Variants in ARID3A observed in about 807,000 individuals in gnomAD.
ARID3A encodes AT-rich interactive domain-containing protein 3A.
ARID3A carries 11 observed loss-of-function variants against 52.7 expected under a neutral mutation model. The ratio of observed to expected loss-of-function variants is 0.21; its 90% CI spans 0.13 to 0.35. The LOEUF (loss-of-function observed/expected upper bound fraction) is 0.35, where lower values mean the gene tolerates loss of function less well. Ranked by LOEUF, ARID3A falls within the 10% of genes least tolerant of loss-of-function variation. ARID3A has a pLI of 1.00. For synonymous variants in ARID3A, 404 were observed against 359.4 expected, an observed-to-expected ratio of 1.12 and a Z score of -1.40; for missense variants, 721 against 838.5, an observed-to-expected ratio of 0.86 and a Z score of 1.73.
At chr19:970,308 G>A (rs1015165679) in intron 8 of ARID3A, among the ~76,000 whole-genome samples, 3 of 151,490 alleles carry the variant, frequency 2.0e-5, no homozygotes, top group African/African-American at 4.8e-5. Context: ...GCAAGACTTC[G>A]TCTCAGAGGA....
chr19:966,879 C>G lies in ARID3A; in HGVS notation c.1495+11C>G, dbSNP rs377023684. 8 of 1,593,890 alleles carry G rather than the reference C, an allele frequency of 5.0e-6. No individual in the cohort carries two copies. The highest frequency in any genetic ancestry group is 1.1e-5 in the South Asian group (1 of 89,202). On this transcript the variant is annotated intron_variant, in intron 7 of 8. Coordinates refer to ENST00000263620, the MANE Select transcript of ARID3A (RefSeq NM_005224.3). Reference sequence around the variant, plus strand: ...GGATCAACAGCCAAGGTACTGCCCTCGTGCCCAGACCCGCTGTGCTTCCTG... The same window carrying G: ...GGATCAACAGCCAAGGTACTGCCCTGGTGCCCAGACCCGCTGTGCTTCCTG...
At position 944,224 on chromosome 19, in the gene ARID3A, A is replaced by G. The variant is rs1452025500; in HGVS notation, c.693+11482A>G. Among the ~76,000 whole-genome samples, 1 of 151,856 alleles carries G rather than the reference A, an allele frequency of 6.6e-6. No homozygotes were observed. The highest frequency in any genetic ancestry group is 1.5e-5 in the Non-Finnish European group (1 of 68,020). ...CAGAAGCTCCTGCCGCCGGCACTGG[A>G]GTCCTGACGTCGGCAGCGCGGTGGA... On this transcript the variant is annotated intron_variant, in intron 3 of 8. Coordinates refer to ENST00000263620, the MANE Select transcript of ARID3A (RefSeq NM_005224.3). The surrounding 1 kb of genome is among the most constrained non-coding windows in gnomAD (Gnocchi z 5.9).
At chr19:926,481 C>T (rs1231470542) in intron 1 of ARID3A, among the ~76,000 whole-genome samples, 1 of 147,352 alleles carries the variant, frequency 6.8e-6, no homozygotes, top group African/African-American at 2.6e-5. Flanking sequence ...GAAATGGTCT[C>T]TGCGCGCGCG....
At chr19:934,327 G>A (rs1215954951) in intron 3 of ARID3A, among the ~76,000 whole-genome samples, 3 of 152,290 alleles carry the variant, frequency 2.0e-5, no homozygotes, top group East Asian at 1.9e-4. Flanking sequence ...CGATGGGGGA[G>A]TTTTGGGGTG....
chr19:959,991 C>T lies in ARID3A; in HGVS notation c.694-101C>T. On this transcript the variant is annotated intron_variant, in intron 3 of 8. Transcript: ENST00000263620. The surrounding 1 kb of genome is among the most constrained non-coding windows in gnomAD (Gnocchi z 5.0). Reference sequence around the variant, plus strand: ...CTTGAGGGTCCTAGGGGTGGTGACCCCTGCTCCTGTCCTCCTGACCTGGCC... The same window carrying T: ...CTTGAGGGTCCTAGGGGTGGTGACCTCTGCTCCTGTCCTCCTGACCTGGCC... 1.9e-6 allele frequency: 2 copies of T among 1,036,764 alleles called. No individual in the cohort carries two copies. Among genetic ancestry groups the T allele is most frequent in the Non-Finnish European group, 1.4e-6 (1 of 710,458 alleles). The allele number at this position is 1,036,764 out of a possible 1,614,324, so 64.2% of individuals were successfully genotyped here. A position where few individuals can be genotyped will look rare whatever the true frequency, so the allele number is the denominator to read the frequency against.
chr19:955,208 G>A (rs929874742), intron 3 of ARID3A, among the ~76,000 whole-genome samples: 10 of 152,176 alleles, frequency 6.6e-5, no homozygotes, highest in Non-Finnish European at 1.5e-4. Context: ...CCTGGACACC[G>A]TCCCCTGCTT....
In ARID3A at chr19:944,114, C is replaced by G. The variant is rs1370284365; in HGVS notation, c.693+11372C>G. 6.6e-6 allele frequency among the ~76,000 whole-genome samples: 1 copy of G among 151,564 alleles called. No homozygotes were observed. Among genetic ancestry groups the G allele is most frequent in the Non-Finnish European group, 1.5e-5 (1 of 67,888 alleles). On this transcript the variant is annotated intron_variant, in intron 3 of 8. Coordinates refer to ENST00000263620, the MANE Select transcript of ARID3A (RefSeq NM_005224.3). This position sits in a 1 kb window ranked among gnomAD's most constrained non-coding sequence, Gnocchi z 5.9. ...GCACCTACAGGGTACCTGCTGTATG[C>G]CAGCCTGACCCTCTCATGGGCACTT...
At chr19:936,787 G>A (rs887548331) in intron 3 of ARID3A, among the ~76,000 whole-genome samples, 8 of 152,270 alleles carry the variant, frequency 5.3e-5, no homozygotes, top group East Asian at 3.9e-4. Context: ...GTTACAGTGA[G>A]CCGAGATCAT....
chr19:973,570 A>G lies in ARID3A; in HGVS notation c.*1505A>G, dbSNP rs1419023975. 6 of 224,544 alleles carry G rather than the reference A, an allele frequency of 2.7e-5. No individual in the cohort carries two copies. The highest frequency in any genetic ancestry group is 5.3e-5 in the Non-Finnish European group (6 of 112,552). The allele number at this position is 224,544 out of a possible 1,614,324, so 13.9% of individuals were successfully genotyped here. A position where few individuals can be genotyped will look rare whatever the true frequency, so the allele number is the denominator to read the frequency against. On this transcript the variant is annotated 3_prime_UTR_variant, in exon 9 of 9. Transcript: ENST00000263620. The stretch of plus-strand genomic sequence containing the variant: ...CCCGAAAGGGCTGCTTTTGAGGACT[A>G]TCAATACTGGGGAGTGGGGGTGAAG...
intron 6 of ARID3A, 82 bp downstream of exon 6, chr19:965,162 C>T (rs1477363408): frequency 4.2e-6 from 6 of 1,440,174 alleles, no homozygotes; most frequent in African/African-American, 2.8e-5. Flanking sequence ...ACCTCTTCCC[C>T]TCTCTGGGTA....
Position 972,938 on chromosome 19 carries a change from G to A in ARID3A, c.*873G>A, listed in dbSNP as rs1022369301. ...ACATCGGATCCCTGGGGCTAGAGCC[G>A]CGGAGCCAATGAACTCAGGTGCTAT... On this transcript the variant is annotated 3_prime_UTR_variant, in exon 9 of 9. Transcript: ENST00000263620. The A allele has an allele frequency of 2.5e-5, 5 of 197,270 alleles. No homozygotes were observed. Among genetic ancestry groups the A allele is most frequent in the East Asian group, 7.6e-5 (1 of 13,178 alleles). 12.2% of individuals were successfully genotyped at this position (197,270 alleles called of 1,614,324 possible). A position where few individuals can be genotyped will look rare whatever the true frequency, so the allele number is the denominator to read the frequency against.
chr19:957,333 G>A (rs1377940879), intron 3 of ARID3A, among the ~76,000 whole-genome samples: 1 of 152,196 alleles, frequency 6.6e-6, no homozygotes. Flanking sequence ...GGGAAGCAGG[G>A]CGGGGCTCTG....
chr19:964,857 C>T lies in ARID3A; in HGVS notation c.975C>T (p.Tyr325=), dbSNP rs200150561. The T allele has an allele frequency of 3.0e-5, 49 of 1,613,984 alleles. No homozygotes were observed. Among genetic ancestry groups the T allele is most frequent in the East Asian group, 2.9e-4 (13 of 44,888 alleles). The change falls in exon 6 of 9, where the codon TAC becomes TAT. Residue 325 remains tyrosine, a synonymous_variant. Coordinates refer to ENST00000263620, the MANE Select transcript of ARID3A (RefSeq NM_005224.3). This position sits in a 1 kb window ranked among gnomAD's most constrained non-coding sequence, Gnocchi z 5.7. ...RTQYMKYLYP[Y]ECEKRGLSNP... ...GATACATGAAGTACCTGTACCCCTA[C>T]GAGTGTGAGAAGCGGGGCCTCAGTA...
At chr19:966,893 C>T (rs1387896781) in intron 7 of ARID3A, 25 bp downstream of exon 7, 1 of 1,575,866 alleles carries the variant, frequency 6.3e-7, no homozygotes, top group Non-Finnish European at 8.7e-7. Context: ...CCCAGACCCG[C>T]TGTGCTTCCT....
In ARID3A at chr19:970,258, A is replaced by T. The variant is rs555728078; in HGVS notation, c.1595-1620A>T. On this transcript the variant is annotated intron_variant, in intron 8 of 8. Coordinates refer to ENST00000263620, the MANE Select transcript of ARID3A (RefSeq NM_005224.3). ...AACCCGGGAGGCGAAGGTTGCAGTGAGCCGAGATCGCGCCACCGCACTCCA... is the reference window on the plus strand; with the variant it reads ...AACCCGGGAGGCGAAGGTTGCAGTGTGCCGAGATCGCGCCACCGCACTCCA... Among the ~76,000 whole-genome samples the T allele has an allele frequency of 4.8e-3, 731 of 152,094 alleles. 3 individuals carry two copies. The highest frequency in any genetic ancestry group is 7.4e-3 in the Non-Finnish European group (500 of 67,994).
intron 8 of ARID3A, 74 bp from the exon 9 acceptor site, chr19:971,804 A>G (rs2038280272): frequency 1.3e-6 from 2 of 1,503,518 alleles, no homozygotes; most frequent in East Asian, 2.6e-5. Flanking sequence ...GGAGCACCCC[A>G]TTGGGTCTCC....
rs891100246 is a variant in ARID3A at position 938,301 on chromosome 19, G to A, written c.693+5559G>A. Among the ~76,000 whole-genome samples the A allele has an allele frequency of 6.6e-6, 1 of 152,196 alleles. No individual in the cohort carries two copies. The highest frequency in any genetic ancestry group is 2.4e-5 in the African/African-American group (1 of 41,452). ...ATGAGCTCAGAGGTGTAGGAATGAC[G>A]GCACTAGCCGGTATCTGTTGCTTCA... On this transcript the variant is annotated intron_variant, in intron 3 of 8. Transcript: ENST00000263620. The surrounding 1 kb of genome is among the most constrained non-coding windows in gnomAD (Gnocchi z 4.0).
rs751596134 is a variant in ARID3A at position 968,409 on chromosome 19, C to T, written c.1500C>T (p.Ser500=). The T allele has an allele frequency of 2.1e-5, 34 of 1,611,058 alleles. No homozygotes were observed. The highest frequency in any genetic ancestry group is 8.9e-5 in the East Asian group (4 of 44,882). The change falls in exon 8 of 9, where the codon TCC becomes TCT. Residue 500 remains serine (S), a synonymous_variant. Transcript: ENST00000263620. ...PMSIRINSQA[S]ESRQDSAVNL... ...AATTTGTTCTTCTTCCCACAGCCTCCGAAAGCCGCCAGGACTCTGCTGTGA... is the reference window on the plus strand; with the variant it reads ...AATTTGTTCTTCTTCCCACAGCCTCTGAAAGCCGCCAGGACTCTGCTGTGA...
intron 3 of ARID3A, chr19:957,926 A>G (rs2037956118): frequency 2.0e-5 from 3 of 151,996 alleles, no homozygotes. Flanking sequence ...GCCTCGCCAA[A>G]TAGTGAAACC....
Sources: allele counts gnomAD v4.1 joint callset (sites outside exome capture counted in the v4.1 genomes callset), GRCh38; gene constraint gnomAD v4.1.1; non-coding constraint Gnocchi (gnomAD v3.1); transcripts MANE v1.5; gene names NCBI Gene and HGNC (gene_info 2026-07-23, HGNC 2026-07-21).